SLC41A3: variants seen among roughly 807,000 people sequenced by gnomAD.
SLC41A3 encodes solute carrier family 41 member 3, also known as SLC41A1-like 2.
Under a neutral mutation model 45.4 loss-of-function variants are expected in SLC41A3, and 44 were observed. That is an observed-to-expected ratio of 0.97 (90% confidence interval 0.76 to 1.25). The LOEUF (loss-of-function observed/expected upper bound fraction) is 1.25, where lower values mean the gene tolerates loss of function less well. Ranked by LOEUF, SLC41A3 falls within the 50% of genes most tolerant of loss-of-function variation. The probability of loss-of-function intolerance (pLI) is 0.00; values close to 1 mark genes in which losing one functional copy is unlikely to be tolerated. For missense variants in SLC41A3, 550 were observed against 600.6 expected (o/e 0.92, Z 0.88); for synonymous variants, 256 against 252.4 (o/e 1.01, Z -0.13).
intron 6 of SLC41A3, among the ~76,000 whole-genome samples, chr3:126,020,826 T>A (rs1319150555): frequency 1.3e-5 from 2 of 152,186 alleles, no homozygotes; most frequent in African/African-American, 4.8e-5. Flanking sequence ...TTTCTATTGA[T>A]CCCAGGTCTT....
Position 126,012,525 on chromosome 3 carries a change from C to A in SLC41A3, c.1105+90G>T, listed in dbSNP as rs993618001. On this transcript the variant is annotated intron_variant, in intron 9 of 10. Coordinates refer to ENST00000360370, the MANE Select transcript of SLC41A3 (RefSeq NM_017836.4). ...CGAGATCAGCCCTGGCTTCAGGCAT[C>A]CATTGCTACAAACACCAGATTCCAA... The A allele has an allele frequency of 5.2e-6, 8 of 1,543,230 alleles. No homozygotes were observed. The African/African-American group carries it at 1.1e-4, about 21-fold the overall frequency.
intron 2 of SLC41A3, among the ~76,000 whole-genome samples, chr3:126,064,146 G>C (rs530075280): frequency 6.6e-6 from 1 of 152,024 alleles, no homozygotes; most frequent in Non-Finnish European, 1.5e-5. Flanking sequence ...GGGGTCAATG[G>C]TGGGGTAAGG....
intron 2 of SLC41A3, chr3:126,067,721 C>T: frequency 1.7e-6 from 1 of 596,134 alleles, no homozygotes; most frequent in Non-Finnish European, 2.9e-6. Context: ...TTTTGGTCTA[C>T]ATCAATCATA....
chr3:126,047,989 G>A (rs1943074490), intron 3 of SLC41A3, among the ~76,000 whole-genome samples: 1 of 152,116 alleles, frequency 6.6e-6, no homozygotes, highest in South Asian at 2.1e-4. Flanking sequence ...ACTGATAAGA[G>A]ATTAATATTC....
chr3:126,074,641 GT>G (rs1944789673), intron 1 of SLC41A3, among the ~76,000 whole-genome samples: 1 of 151,844 alleles, frequency 6.6e-6, no homozygotes, highest in Non-Finnish European at 1.5e-5. Flanking sequence ...CAGTTTTTTT[GT>G]TTTGTTGTTG....
intron 2 of SLC41A3, among the ~76,000 whole-genome samples, chr3:126,064,174 C>T (rs1415224188): frequency 2.6e-5 from 4 of 152,014 alleles, no homozygotes; most frequent in Non-Finnish European, 5.9e-5. Flanking sequence ...CTACGAAGTG[C>T]GGCCTCAACA....
intron 6 of SLC41A3, among the ~76,000 whole-genome samples, chr3:126,020,161 G>A (rs565387235): frequency 6.6e-4 from 100 of 152,226 alleles, no homozygotes; most frequent in African/African-American, 2.0e-3. Flanking sequence ...CACCCGAGCC[G>A]TGTGAGCCAT....
chr3:126,095,147 AAAT>A, intron 1 of SLC41A3: 4 of 606,850 alleles, frequency 6.6e-6, no homozygotes, highest in Admixed American at 5.5e-5. Flanking sequence ...GAAATAGGTA[AAAT>A]AATAACTTGG....
At chr3:126,081,095 G>T (rs375814933) in intron 1 of SLC41A3, among the ~76,000 whole-genome samples, 6 of 152,198 alleles carry the variant, frequency 3.9e-5, no homozygotes, top group Non-Finnish European at 5.9e-5. Flanking sequence ...CAATAGCTAA[G>T]ATATGGATCA....
intron 1 of SLC41A3, among the ~76,000 whole-genome samples, chr3:126,094,815 A>G (rs1238298775): frequency 6.6e-6 from 1 of 152,244 alleles, no homozygotes; most frequent in Non-Finnish European, 1.5e-5. Context: ...TTGTAGCTGT[A>G]ATTAAGGTAT....
intron 10 of SLC41A3, among the ~76,000 whole-genome samples, chr3:126,007,542 G>C (rs901941718): frequency 2.6e-5 from 4 of 152,178 alleles, no homozygotes; most frequent in Admixed American, 2.6e-4. Flanking sequence ...ATGGGACTTT[G>C]CCGAGATGTC....
chr3:126,033,546 C>T (rs1559836583), intron 4 of SLC41A3, 61 bp downstream of exon 4: 1 of 1,573,610 alleles, frequency 6.4e-7, no homozygotes, highest in Non-Finnish European at 8.7e-7. Context: ...CTTCACCCTT[C>T]CCACCTGGGG....
At chr3:126,046,743 C>A (rs1057190828) in intron 3 of SLC41A3, among the ~76,000 whole-genome samples, 2 of 99,662 alleles carry the variant, frequency 2.0e-5, no homozygotes, top group African/African-American at 3.0e-5. Flanking sequence ...AGGTGGATCA[C>A]TTGAGGTCAG....
intron 3 of SLC41A3, among the ~76,000 whole-genome samples, chr3:126,049,495 T>C (rs1046646418): frequency 6.6e-6 from 1 of 151,592 alleles, no homozygotes; most frequent in Non-Finnish European, 1.5e-5. Context: ...AAAAAAAAAA[T>C]GCAGTTAAAC....
upstream of SLC41A3, among the ~76,000 whole-genome samples, chr3:126,087,328 CT>C (rs1427936591): frequency 6.6e-6 from 1 of 152,016 alleles, no homozygotes; most frequent in African/African-American, 2.4e-5. Context: ...TCAATAATGA[CT>C]GTCACAGTTT....
rs770358360 is a variant in SLC41A3, at chr3:126,022,835, G to A, written c.696C>T (p.Ile232=). ...TAACCAAAGCCAGAATGGACAGTGT[G>A]ATGAGGTCTCCCAGGCTGGCTGCAA... ...TPIAASLGDL[I]TLSILALVSS... Residue 232 remains isoleucine, a synonymous_variant, in exon 6 of 11, where the codon ATC becomes ATT. Coordinates refer to ENST00000360370, the MANE Select transcript of SLC41A3 (RefSeq NM_017836.4). 2.5e-6 allele frequency: 4 copies of A among 1,614,244 alleles called. No homozygotes were observed. The Admixed American group carries it at 5.0e-5, about 20-fold the overall frequency.
At chr3:126,051,099 T>C in intron 2 of SLC41A3, 49 bp from the exon 3 acceptor site, 3 of 1,487,818 alleles carry the variant, frequency 2.0e-6, no homozygotes, top group Middle Eastern at 1.8e-4. Flanking sequence ...CATCAGCAAA[T>C]CTCTGGAAAT....
intron 10 of SLC41A3, among the ~76,000 whole-genome samples, chr3:126,007,591 G>C (rs1401966639): frequency 6.6e-6 from 1 of 152,160 alleles, no homozygotes; most frequent in African/African-American, 2.4e-5. Context: ...CTGGAGGTTA[G>C]GACAGTCAGC....
At position 126,006,607 on chromosome 3, in the gene SLC41A3, G is replaced by A. The variant is rs1455639320; in HGVS notation, c.*409C>T. 6.4e-7 allele frequency: 1 copy of A among 1,568,916 alleles called. No homozygotes were observed. Among genetic ancestry groups the A allele is most frequent in the South Asian group, 1.2e-5 (1 of 83,808 alleles). ...TAAGCCACAGCTCAAGAGTTCTGAG[G>A]CTTGGGAACAGAAAAGAGCTCCTTC... On this transcript the variant is annotated 3_prime_UTR_variant, in exon 11 of 11. Coordinates refer to ENST00000360370, the MANE Select transcript of SLC41A3 (RefSeq NM_017836.4).
Sources: gnomAD v4.1 joint callset for allele counts (sites outside exome capture counted in the v4.1 genomes callset) on GRCh38, gnomAD v4.1.1 for gene constraint, MANE v1.5 for transcripts, NCBI Gene and HGNC (gene_info 2026-07-23, HGNC 2026-07-21) for gene names.